The following AMOTL1 variants were observed in gnomAD, a reference collection of about 807,000 sequenced individuals.
The protein encoded by AMOTL1 is angiomotin-like protein 1.
Under a neutral mutation model 102.9 loss-of-function variants are expected in AMOTL1, and 45 were observed. That is an observed-to-expected ratio of 0.44 (90% CI 0.34 to 0.56). The LOEUF is 0.56. Among genes scored for constraint, AMOTL1 ranks in the 20% least tolerant of loss-of-function variants. AMOTL1 has a pLI of 0.01. For synonymous variants in AMOTL1, 481 were observed against 484.7 expected, an observed-to-expected ratio of 0.99 and a Z score of 0.10; for missense variants, 1,114 against 1,225.6, an observed-to-expected ratio of 0.91 and a Z score of 1.36.
At chr11:94,827,887 G>T (rs535822258) in intron 4 of AMOTL1, among the ~76,000 whole-genome samples, 1 of 152,226 alleles carries the variant, frequency 6.6e-6, no homozygotes, top group African/African-American at 2.4e-5. Context: ...GGCTCCACTG[G>T]CTTCAGTTTT....
At chr11:94,849,881 C>T (rs560773496) in intron 6 of AMOTL1, among the ~76,000 whole-genome samples, 120 of 152,196 alleles carry the variant, frequency 7.9e-4, no homozygotes, top group African/African-American at 2.9e-3. Context: ...GTCACTGGTT[C>T]TTTGTGTACT....
rs749472808 is a variant in AMOTL1, at chr11:94,831,496, G to C, written c.1603G>C (p.Glu535Gln). 1 of 1,613,918 alleles carries C rather than the reference G, an allele frequency of 6.2e-7. No homozygotes were observed. The highest frequency in any genetic ancestry group is 8.5e-7 in the Non-Finnish European group (1 of 1,179,814). Residue 535 changes from glutamate to glutamine, a missense_variant, in exon 6 of 13, where the codon GAA becomes CAA. Glu to Gln is a conservative substitution (Grantham distance 29). Coordinates refer to ENST00000433060, the MANE Select transcript of AMOTL1 (RefSeq NM_130847.3). The stretch of plus-strand genomic sequence containing the variant: ...CAGGCAACTATCCAGCAGGGAATAC[G>C]AAGGGCATGAAGACAAAGCTGCAGA... ...ANRQLSSREY[E>Q]GHEDKAAEGH...
intron 1 of AMOTL1, among the ~76,000 whole-genome samples, chr11:94,771,259 T>TGC (rs1555067541): frequency 4.1e-5 from 4 of 96,940 alleles, no homozygotes; most frequent in South Asian, 4.3e-4. Context: ...TTGGCGGGGT[T>TGC]GGGGGGGGGG....
intron 7 of AMOTL1, among the ~76,000 whole-genome samples, chr11:94,852,558 A>G (rs1952565622): frequency 6.6e-6 from 1 of 152,242 alleles, no homozygotes; most frequent in Non-Finnish European, 1.5e-5. Flanking sequence ...TATGCCCAGG[A>G]TTTATGAACA....
chr11:94,725,277 G>A (rs1156329675), intron 1 of AMOTL1, among the ~76,000 whole-genome samples: 1 of 152,104 alleles, frequency 6.6e-6, no homozygotes, highest in African/African-American at 2.4e-5. Flanking sequence ...GACTGGATGA[G>A]GAGGCCAGAA....
intron 9 of AMOTL1, among the ~76,000 whole-genome samples, chr11:94,860,096 T>G (rs1477498958): frequency 6.6e-6 from 1 of 152,236 alleles, no homozygotes; most frequent in African/African-American, 2.4e-5. Flanking sequence ...AGTGGAATAC[T>G]GTGCAATCAC....
intron 3 of AMOTL1, among the ~76,000 whole-genome samples, chr11:94,813,010 C>A (rs1335050114): frequency 6.6e-6 from 1 of 152,210 alleles, no homozygotes; most frequent in African/African-American, 2.4e-5. Flanking sequence ...TAACTTGTAG[C>A]CATCCATAGC....
intron 1 of AMOTL1, among the ~76,000 whole-genome samples, chr11:94,716,869 G>A (rs1950106170): frequency 6.6e-6 from 1 of 152,136 alleles, no homozygotes; most frequent in African/African-American, 2.4e-5. Context: ...GAATGGTTCA[G>A]TCTGCTGTGC....
At chr11:94,844,344 T>C (rs11822011) in intron 6 of AMOTL1, among the ~76,000 whole-genome samples, 21,310 of 152,176 alleles carry the variant, frequency 0.14, 3,292 homozygotes, top group African/African-American at 0.38. Context: ...CCTTTCTTCT[T>C]TCTCTCTCTC....
At chr11:94,758,971 T>TA (rs1950760165) in intron 3 of AMOTL1, among the ~76,000 whole-genome samples, 1 of 152,192 alleles carries the variant, frequency 6.6e-6, no homozygotes, top group African/African-American at 2.4e-5. Context: ...ACATAACACT[T>TA]TAAAAAAAAC....
chr11:94,760,184 T>C (rs1288508297), intron 3 of AMOTL1, among the ~76,000 whole-genome samples: 1 of 152,242 alleles, frequency 6.6e-6, no homozygotes, highest in African/African-American at 2.4e-5. Flanking sequence ...TGGGTAGATA[T>C]TGTAATCAAA....
intron 6 of AMOTL1, 76 bp from the exon 7 acceptor site, chr11:94,850,038 C>T: frequency 6.9e-7 from 1 of 1,445,496 alleles, no homozygotes. Context: ...TAATCCTTGC[C>T]AGATGTCGAC....
At chr11:94,755,030 C>G (rs748980153) in intron 3 of AMOTL1, among the ~76,000 whole-genome samples, 11 of 152,284 alleles carry the variant, frequency 7.2e-5, no homozygotes, top group Non-Finnish European at 1.6e-4. Context: ...TGACTCAGTT[C>G]CATGTCACCA....
At chr11:94,786,365 T>C (rs1268862718) in intron 1 of AMOTL1, among the ~76,000 whole-genome samples, 1 of 152,168 alleles carries the variant, frequency 6.6e-6, no homozygotes, top group African/African-American at 2.4e-5. Flanking sequence ...ATTCCTTTTT[T>C]TATTTACCGC....
In AMOTL1 at chr11:94,854,010, G is replaced by A. The variant is rs1293788619; in HGVS notation, c.1872G>A (p.Glu624=). 2.5e-5 allele frequency: 39 copies of A among 1,586,408 alleles called. No homozygotes were observed. The highest frequency in any genetic ancestry group is 3.3e-5 in the Non-Finnish European group (38 of 1,165,506). ...TGACCCAGCTGCAGTCTGCATGTGA[G>A]AAGCGAGAACAGATGGAGCGGAGAC... ...QALTQLQSAC[E]KREQMERRLR... is the part of the protein sequence containing the mutation. The change falls in exon 8 of 13, where the codon GAG becomes GAA. Residue 624 remains glutamate (E), a synonymous_variant. Coordinates refer to ENST00000433060, the MANE Select transcript of AMOTL1 (RefSeq NM_130847.3).
chr11:94,838,857 G>A (rs758847073), intron 6 of AMOTL1, among the ~76,000 whole-genome samples: 14 of 152,168 alleles, frequency 9.2e-5, no homozygotes, highest in African/African-American at 2.2e-4. Flanking sequence ...TTCCCAGTGA[G>A]GATTCACAAT....
At position 94,865,924 on chromosome 11, in the gene AMOTL1, T is replaced by C. The variant is rs1321563882; in HGVS notation, c.2262-18T>C. The C allele has an allele frequency of 6.2e-7, 1 of 1,603,154 alleles. No homozygotes were observed. The highest frequency in any genetic ancestry group is 8.5e-7 in the Non-Finnish European group (1 of 1,173,510). On this transcript the variant is annotated intron_variant, in intron 10 of 12. Coordinates refer to ENST00000433060, the MANE Select transcript of AMOTL1 (RefSeq NM_130847.3). ...GCCAAGTGGCTTTTTATGGAGACTGTTTTGTTTTGTTTTACAGTATTAAAA... is the reference window on the plus strand; with the variant it reads ...GCCAAGTGGCTTTTTATGGAGACTGCTTTGTTTTGTTTTACAGTATTAAAA...
intron 3 of AMOTL1, among the ~76,000 whole-genome samples, chr11:94,806,580 A>G (rs984161799): frequency 6.6e-6 from 1 of 152,222 alleles, no homozygotes; most frequent in East Asian, 1.9e-4. Context: ...GAATACCAGC[A>G]TGGGAACTCA....
chr11:94,800,156 C>T lies in AMOTL1; in HGVS notation c.966C>T (p.Ser322=), dbSNP rs377588581. The T allele has an allele frequency of 8.1e-6, 13 of 1,613,884 alleles. No homozygotes were observed. Among genetic ancestry groups the T allele is most frequent in the Non-Finnish European group, 1.0e-5 (12 of 1,179,878 alleles). The change falls in exon 3 of 13, where the codon TCC becomes TCT. Residue 322 remains serine (S), a synonymous_variant. Transcript: ENST00000433060. ...CCTTCAAGACCAAGCAAATGATGTC[C>T]CCAGTCAGCAAGACCCAGGAGCACG... ...EYPFKTKQMM[S]PVSKTQEHGL...
Sources: gnomAD v4.1 joint callset for allele counts (sites outside exome capture counted in the v4.1 genomes callset) on GRCh38, gnomAD v4.1.1 for gene constraint, MANE v1.5 for transcripts, NCBI Gene and HGNC (gene_info 2026-07-23, HGNC 2026-07-21) for gene names.